Variants in ZBTB20 observed in about 807,000 individuals in gnomAD.
The protein encoded by ZBTB20 is zinc finger and BTB domain-containing protein 20.
ZBTB20 carries 9 observed loss-of-function variants against 56.9 expected under a neutral mutation model. The observed-to-expected ratio is 0.16, with a 90% CI of 0.10 to 0.28. The LOEUF (loss-of-function observed/expected upper bound fraction) is 0.28. Among genes scored for constraint, ZBTB20 ranks in the 10% least tolerant of loss-of-function variants. ZBTB20 has a pLI of 1.00. For missense variants in ZBTB20, 655 were observed against 1,003.0 expected, an observed-to-expected ratio of 0.65 and a Z score of 4.69; for synonymous variants, 417 against 420.7, an observed-to-expected ratio of 0.99 and a Z score of 0.11.
chr3:115,013,136 C>G (rs2079793059), intron 2 of ZBTB20, among the ~76,000 whole-genome samples: 7 of 151,050 alleles, frequency 4.6e-5, no homozygotes, highest in Admixed American at 4.6e-4. Context: ...AATAAACAAC[C>G]CAGTGATGCA....
Position 114,515,413 on chromosome 3 carries a change from C to T in ZBTB20, c.-294-15022G>A, listed in dbSNP as rs1364492797. ...CCCACATGTATGTTCTCCTCAGCTT[C>T]CAGGCTGCTGATCCTTGCTGGAGAA... On this transcript the variant is annotated intron_variant, in intron 6 of 11. Transcript: ENST00000675478. Among the ~76,000 whole-genome samples, 7 of 152,196 alleles carry T rather than the reference C, an allele frequency of 4.6e-5. No individual in the cohort carries two copies. In the East Asian group the frequency reaches 1.2e-3, roughly 25 times the overall value.
In ZBTB20 at chr3:114,350,746, A is replaced by G. The variant is rs756725802; in HGVS notation, c.1332T>C (p.Thr444=). The G allele has an allele frequency of 1.7e-5, 27 of 1,614,204 alleles. No individual in the cohort carries two copies. Among genetic ancestry groups the G allele is most frequent in the Non-Finnish European group, 2.0e-5 (24 of 1,180,028 alleles). Reference sequence around the variant, plus strand: ...CGGAGCTGTTGCTGACAGTGATAACAGTGCTGTCCATCTCCACTTCATTGC... The same window carrying G: ...CGGAGCTGTTGCTGACAGTGATAACGGTGCTGTCCATCTCCACTTCATTGC... ...ERSNEVEMDS[T]VITVSNSSDK... The change falls in exon 11 of 12, where the codon ACT becomes ACC. Residue 444 remains threonine, a synonymous_variant. Coordinates refer to ENST00000675478, the MANE Select transcript of ZBTB20 (RefSeq NM_001348800.3).
intron 1 of ZBTB20, chr3:115,100,295 T>C (rs1394677932): frequency 6.6e-6 from 1 of 151,584 alleles, no homozygotes; most frequent in African/African-American, 2.4e-5. Flanking sequence ...ATGTTGTGTA[T>C]ATACACACAC....
intron 2 of ZBTB20, among the ~76,000 whole-genome samples, chr3:115,047,828 C>T (rs1470803151): frequency 6.6e-6 from 1 of 152,174 alleles, no homozygotes; most frequent in Admixed American, 6.5e-5. Flanking sequence ...ACAAGGCCTG[C>T]ATTCCACACA....
At chr3:114,992,566 G>A (rs906204279) in intron 2 of ZBTB20, among the ~76,000 whole-genome samples, 1 of 151,882 alleles carries the variant, frequency 6.6e-6, no homozygotes, top group Non-Finnish European at 1.5e-5. Flanking sequence ...AACTCTTGGT[G>A]TCCCCCTAGA....
At chr3:114,702,337 G>A (rs772047825) in intron 5 of ZBTB20, among the ~76,000 whole-genome samples, 2 of 152,166 alleles carry the variant, frequency 1.3e-5, no homozygotes, top group Non-Finnish European at 2.9e-5. Context: ...GAGAGAACGA[G>A]ACCCTGTCTC....
At chr3:114,971,491 T>C (rs1301165859) in intron 3 of ZBTB20, among the ~76,000 whole-genome samples, 1 of 152,194 alleles carries the variant, frequency 6.6e-6, no homozygotes, top group African/African-American at 2.4e-5. Flanking sequence ...GATTGTAAAA[T>C]AGGTGTTAAT....
chr3:114,944,178 A>C (rs1204633917), intron 3 of ZBTB20, among the ~76,000 whole-genome samples: 7 of 145,786 alleles, frequency 4.8e-5, no homozygotes, highest in Non-Finnish European at 1.0e-4. Flanking sequence ...AAAGATCTGA[A>C]CACACATTTC....
intron 1 of ZBTB20, among the ~76,000 whole-genome samples, chr3:115,083,107 A>T (rs1265793683): frequency 6.6e-6 from 1 of 152,056 alleles, no homozygotes; most frequent in Admixed American, 6.6e-5. Flanking sequence ...ATAGCCACAA[A>T]GCTACATATA....
chr3:115,006,047 T>C (rs2079454669), intron 2 of ZBTB20, among the ~76,000 whole-genome samples: 3 of 151,706 alleles, frequency 2.0e-5, no homozygotes, highest in Non-Finnish European at 4.4e-5. Flanking sequence ...TCTGATCTAC[T>C]ATAAAATGCT....
At chr3:114,484,219 T>A (rs1311794054) in intron 7 of ZBTB20, among the ~76,000 whole-genome samples, 1 of 152,212 alleles carries the variant, frequency 6.6e-6, no homozygotes, top group Non-Finnish European at 1.5e-5. Flanking sequence ...TAAATATGCA[T>A]CTGCTAGTGT....
At chr3:114,351,909 G>C (rs776811830) in intron 10 of ZBTB20, 31 bp from the exon 11 acceptor site, 5 of 1,566,838 alleles carry the variant, frequency 3.2e-6, no homozygotes, top group Middle Eastern at 1.7e-4. Flanking sequence ...CACAAAACAG[G>C]GCATGGGTCA....
chr3:114,424,854 G>A (rs959912519), intron 7 of ZBTB20, among the ~76,000 whole-genome samples: 1 of 152,182 alleles, frequency 6.6e-6, no homozygotes, highest in Admixed American at 6.5e-5. Context: ...TCTGAAGAAA[G>A]CTGGTCAAGG....
chr3:114,903,986 C>T (rs554611432), intron 3 of ZBTB20, among the ~76,000 whole-genome samples: 17 of 152,094 alleles, frequency 1.1e-4, no homozygotes, highest in African/African-American at 3.1e-4. Context: ...ATTTAAAGGA[C>T]AGCACAGATC....
In ZBTB20 at chr3:114,329,722, A is replaced by C. The variant is rs1384725678; in HGVS notation, c.*9283T>G. The stretch of plus-strand genomic sequence containing the variant: ...TTACTTTTTTTGGAAAAAAAAAAAA[A>C]AAAAAAAAAAAAAAACAACTCCCAG... On this transcript the variant is annotated 3_prime_UTR_variant, in exon 12 of 12. Coordinates refer to ENST00000675478, the MANE Select transcript of ZBTB20 (RefSeq NM_001348800.3). 4 of 141,432 alleles carry C rather than the reference A, an allele frequency of 2.8e-5. No individual in the cohort carries two copies. The highest frequency in any genetic ancestry group is 6.2e-5 in the Non-Finnish European group (4 of 64,074). 8.8% of individuals were successfully genotyped at this position (141,432 alleles called of 1,614,324 possible).
chr3:115,126,127 CA>C (rs1299441491), intron 1 of ZBTB20, among the ~76,000 whole-genome samples: 2 of 152,066 alleles, frequency 1.3e-5, no homozygotes, highest in Non-Finnish European at 2.9e-5. Context: ...TCTTGAGAAG[CA>C]AGAAAGTTCA....
chr3:114,950,957 CAT>C (rs1363628109), intron 3 of ZBTB20, among the ~76,000 whole-genome samples: 2 of 152,182 alleles, frequency 1.3e-5, no homozygotes, highest in Admixed American at 6.5e-5. Context: ...TATATAATCA[CAT>C]GATTCTATTT....
chr3:114,817,699 T>G (rs2073020720), intron 4 of ZBTB20, among the ~76,000 whole-genome samples: 1 of 152,112 alleles, frequency 6.6e-6, no homozygotes, highest in African/African-American at 2.4e-5. Context: ...AAAGTATGAC[T>G]TATGTTTTCT....
rs534792884 is a variant in ZBTB20 at position 114,372,603 on chromosome 3, C to T, written c.199+7614G>A. Among the ~76,000 whole-genome samples, 9 of 152,166 alleles carry T rather than the reference C, an allele frequency of 5.9e-5. 1 individual carries two copies. In the South Asian group the frequency reaches 8.3e-4, roughly 14 times the overall value. On this transcript the variant is annotated intron_variant, in intron 10 of 11. Transcript: ENST00000675478. ...CAGCACTTTGGGAGGCCGAGGCAGACGGATTGCTTGAGCTCAGGATTCGAG... is the reference window on the plus strand; with the variant it reads ...CAGCACTTTGGGAGGCCGAGGCAGATGGATTGCTTGAGCTCAGGATTCGAG...
Sources: allele counts gnomAD v4.1 joint callset (sites outside exome capture counted in the v4.1 genomes callset), GRCh38; gene constraint gnomAD v4.1.1; transcripts MANE v1.5; gene names NCBI Gene and HGNC (gene_info 2026-07-23, HGNC 2026-07-21).